The following MBD5 variants were observed in gnomAD, a reference collection of about 807,000 sequenced individuals.
MBD5 encodes the protein methyl-CpG binding domain protein 5, also known as methyl-CpG-binding domain protein 5.
MBD5 carries 13 observed loss-of-function variants against 117.3 expected under a neutral mutation model. The observed-to-expected ratio is 0.11, with a 90% CI of 0.07 to 0.18. MBD5 has a LOEUF of 0.18. Among genes scored for constraint, MBD5 ranks in the 10% least tolerant of loss-of-function variants. The pLI is 1.00. For missense variants in MBD5, 1,879 were observed against 2,093.8 expected, an observed-to-expected ratio of 0.90 and a Z score of 2.00; for synonymous variants, 727 against 766.4, an observed-to-expected ratio of 0.95 and a Z score of 0.85.
intron 4 of MBD5, among the ~76,000 whole-genome samples, chr2:148,399,149 T>C (rs1704833654): frequency 6.6e-6 from 1 of 152,222 alleles, no homozygotes; most frequent in African/African-American, 2.4e-5. Context: ...CTTTTGTGGT[T>C]CCATATGAAC....
intron 2 of MBD5, among the ~76,000 whole-genome samples, chr2:148,185,980 A>G (rs1037483608): frequency 6.6e-6 from 1 of 152,240 alleles, no homozygotes; most frequent in Non-Finnish European, 1.5e-5. Flanking sequence ...TCTGTTATAA[A>G]GTACTTCTCA....
chr2:148,423,365 T>G (rs1705672001), intron 4 of MBD5, among the ~76,000 whole-genome samples: 1 of 152,144 alleles, frequency 6.6e-6, no homozygotes, highest in Admixed American at 6.5e-5. Flanking sequence ...TCTTTACATT[T>G]CAATAAAATA....
At chr2:148,123,838 A>G (rs1438958411) in intron 1 of MBD5, among the ~76,000 whole-genome samples, 2 of 152,256 alleles carry the variant, frequency 1.3e-5, no homozygotes, top group African/African-American at 2.4e-5. Flanking sequence ...GAAATTCCAT[A>G]GAACACATAG....
At chr2:148,328,647 C>T (rs1190709367) in intron 3 of MBD5, among the ~76,000 whole-genome samples, 1 of 152,256 alleles carries the variant, frequency 6.6e-6, no homozygotes, top group Non-Finnish European at 1.5e-5. Context: ...GGAAAGGGAA[C>T]TCCCTGACCC....
intron 3 of MBD5, among the ~76,000 whole-genome samples, chr2:148,277,246 G>T (rs1412000427): frequency 1.3e-5 from 2 of 152,176 alleles, no homozygotes; most frequent in East Asian, 3.9e-4. Context: ...AATAATATTT[G>T]GGTAATAGGG....
chr2:148,086,481 A>T (rs912207661), intron 1 of MBD5, among the ~76,000 whole-genome samples: 2 of 152,170 alleles, frequency 1.3e-5, no homozygotes, highest in African/African-American at 4.8e-5. Context: ...TATTAGTTCT[A>T]TGGAACTTAT....
intron 1 of MBD5, among the ~76,000 whole-genome samples, chr2:148,074,984 G>A (rs745709280): frequency 6.6e-6 from 1 of 152,162 alleles, no homozygotes; most frequent in Non-Finnish European, 1.5e-5. Context: ...TTTCTGTTAA[G>A]ACAGAGGTGT....
chr2:148,426,239 T>G (rs1474494304), intron 4 of MBD5, among the ~76,000 whole-genome samples: 2 of 152,160 alleles, frequency 1.3e-5, no homozygotes, highest in South Asian at 4.1e-4. Flanking sequence ...AGGTAATTTA[T>G]AGATTCAATG....
chr2:148,091,219 A>G (rs1695931292), intron 1 of MBD5, among the ~76,000 whole-genome samples: 1 of 152,190 alleles, frequency 6.6e-6, no homozygotes, highest in South Asian at 2.1e-4. Flanking sequence ...TGTTCTGAAA[A>G]TGACCTTACT....
chr2:148,423,575 G>A (rs1271616883), intron 4 of MBD5, among the ~76,000 whole-genome samples: 1 of 151,968 alleles, frequency 6.6e-6, no homozygotes, highest in Non-Finnish European at 1.5e-5. Context: ...ATGAAGAACC[G>A]ATACCAGCCA....
chr2:148,325,875 T>A (rs1702436615), intron 3 of MBD5, among the ~76,000 whole-genome samples: 1 of 152,224 alleles, frequency 6.6e-6, no homozygotes, highest in South Asian at 2.1e-4. Context: ...TGCCTTCAGC[T>A]AGCTTTTGAA....
In MBD5 at chr2:148,470,456, A is replaced by C; in HGVS notation, c.2513A>C (p.Glu838Ala). The change falls in exon 8 of 14, where the codon GAA (glutamate) becomes GCA (alanine). Residue 838 changes from glutamate to alanine, a missense_variant. By Grantham distance (107) the Glu-to-Ala change is moderately radical. Coordinates refer to ENST00000642680, the MANE Select transcript of MBD5 (RefSeq NM_001378120.1). Reference protein sequence around the residue: ...IVSSYNQTSSEAGGSGPSSSI... With the variant: ...IVSSYNQTSSAAGGSGPSSSI... Reference sequence around the variant, plus strand: ...AGCAGCTATAATCAAACAAGTTCTGAAGCAGGTATGGTTTTATTAGAAAAA... The same window carrying C: ...AGCAGCTATAATCAAACAAGTTCTGCAGCAGGTATGGTTTTATTAGAAAAA... 1 of 1,597,572 alleles carries C rather than the reference A, an allele frequency of 6.3e-7. No homozygotes were observed. Among genetic ancestry groups the C allele is most frequent in the Non-Finnish European group, 8.5e-7 (1 of 1,171,640 alleles).
At chr2:148,365,757 AC>A (rs148310905) in intron 4 of MBD5, among the ~76,000 whole-genome samples, 1,742 of 152,154 alleles carry the variant, frequency 0.011, 35 homozygotes, top group African/African-American at 0.04. Flanking sequence ...AGACACATGC[AC>A]CCTCCCATGA....
At chr2:148,266,574 C>G in intron 3 of MBD5, among the ~76,000 whole-genome samples, 1 of 151,848 alleles carries the variant, frequency 6.6e-6, no homozygotes, top group East Asian at 1.9e-4. Flanking sequence ...GATTGACTAG[C>G]AAGACAGAAC....
At chr2:148,463,942 C>T (rs1326375706) in intron 7 of MBD5, 23 bp downstream of exon 7, 2 of 1,610,910 alleles carry the variant, frequency 1.2e-6, no homozygotes, top group African/African-American at 1.3e-5. Flanking sequence ...GTGAAAGGTT[C>T]AGGAATTCTC....
At chr2:148,053,327 GCATTTA>G (rs1694772012) in intron 1 of MBD5, among the ~76,000 whole-genome samples, 2 of 152,018 alleles carry the variant, frequency 1.3e-5, no homozygotes, top group South Asian at 4.2e-4. Context: ...AAATACTTTA[GCATTTA>G]CATTTAAAGT....
chr2:148,375,377 G>C (rs1472521669), intron 4 of MBD5, among the ~76,000 whole-genome samples: 1 of 152,196 alleles, frequency 6.6e-6, no homozygotes, highest in Non-Finnish European at 1.5e-5. Context: ...TGTCTAATCA[G>C]TAATGTTGTG....
intron 2 of MBD5, among the ~76,000 whole-genome samples, chr2:148,194,704 T>G (rs1414182904): frequency 7.9e-6 from 1 of 127,378 alleles, no homozygotes; most frequent in Non-Finnish European, 1.7e-5. Context: ...GGCACATGTA[T>G]ACATATGTAA....
chr2:148,178,162 T>C (rs1222380446), intron 1 of MBD5, among the ~76,000 whole-genome samples: 1 of 152,202 alleles, frequency 6.6e-6, no homozygotes, highest in Non-Finnish European at 1.5e-5. Flanking sequence ...GGGCTTTTTT[T>C]TTATGCTAAG....
Sources: gnomAD v4.1 joint callset for allele counts (sites outside exome capture counted in the v4.1 genomes callset) on GRCh38, gnomAD v4.1.1 for gene constraint, MANE v1.5 for transcripts, NCBI Gene and HGNC (gene_info 2026-07-23, HGNC 2026-07-21) for gene names.